The following WDFY3 variants were observed in gnomAD, a reference collection of about 807,000 sequenced individuals.
WDFY3 encodes WD repeat and FYVE domain containing 3, also known as WD repeat and FYVE domain-containing protein 3.
In WDFY3, 66 loss-of-function variants were observed where a neutral mutation model predicts 409.6. The ratio of observed to expected loss-of-function variants is 0.16; its 90% confidence interval spans 0.13 to 0.20. The LOEUF (loss-of-function observed/expected upper bound fraction) is 0.20. Ranked by LOEUF, WDFY3 falls within the 10% of genes least tolerant of loss-of-function variation. The probability of loss-of-function intolerance (pLI) is 1.00; values close to 1 mark genes in which losing one functional copy is unlikely to be tolerated. For missense variants in WDFY3, 3,031 were observed against 4,298.1 expected (o/e 0.71, Z 8.24); for synonymous variants, 1,521 against 1,537.1 (o/e 0.99, Z 0.25).
intron 33 of WDFY3, 146 bp from the exon 34 acceptor site, chr4:84,755,546 C>T (rs1000968104): frequency 1.2e-6 from 1 of 848,636 alleles, no homozygotes; most frequent in Non-Finnish European, 1.7e-6. Flanking sequence ...AGAACTAGTA[C>T]CCTTCCATCC....
intron 15 of WDFY3, among the ~76,000 whole-genome samples, chr4:84,807,722 T>G (rs1578613676): frequency 6.6e-6 from 1 of 152,134 alleles, no homozygotes; most frequent in Non-Finnish European, 1.5e-5. Flanking sequence ...AAAGGTAGTT[T>G]TAAAAAGATC....
intron 3 of WDFY3, among the ~76,000 whole-genome samples, chr4:84,866,007 G>T (rs1051632382): frequency 6.6e-6 from 1 of 152,048 alleles, no homozygotes; most frequent in Non-Finnish European, 1.5e-5. Context: ...GGACATAAAG[G>T]CTGCAGTGAG....
intron 58 of WDFY3, 82 bp from the exon 59 acceptor site, chr4:84,693,114 T>C (rs1296945057): frequency 7.1e-7 from 1 of 1,409,246 alleles, no homozygotes; most frequent in Non-Finnish European, 9.7e-7. Context: ...TGTGTTCTTA[T>C]TTCAATTAAG....
chr4:84,746,145 C>CAAAAAAAAAA (rs761664622), intron 36 of WDFY3, among the ~76,000 whole-genome samples: 1 of 60,632 alleles, frequency 1.6e-5, no homozygotes, highest in African/African-American at 6.5e-5. Context: ...CTGTCTCTAC[C>CAAAAAAAAAA]AAAAAAAAAA....
chr4:84,784,891 T>TATATATATATATATATACACACAC (rs1238884117), intron 24 of WDFY3, among the ~76,000 whole-genome samples: 1 of 36,916 alleles, frequency 2.7e-5, no homozygotes, highest in African/African-American at 7.7e-5. Flanking sequence ...TATATATATA[T>TATATATATATATATATACACACAC]ACACACACAC....
intron 61 of WDFY3, among the ~76,000 whole-genome samples, chr4:84,688,603 A>T (rs181547443): frequency 6.6e-6 from 1 of 152,340 alleles, no homozygotes; most frequent in East Asian, 1.9e-4. Flanking sequence ...TTTTATGTAG[A>T]GATGTATTGA....
rs192545073 is a variant in WDFY3, at chr4:84,754,027, T to C, written c.5560-151A>G. 1.6e-5 allele frequency: 13 copies of C among 791,388 alleles called. No individual in the cohort carries two copies. The Admixed American group carries it at 5.4e-4, about 33-fold the overall frequency. 49.0% of individuals were successfully genotyped at this position (791,388 alleles called of 1,614,324 possible). On this transcript the variant is annotated intron_variant, in intron 34 of 67. Transcript: ENST00000295888. The stretch of plus-strand genomic sequence containing the variant: ...CCACACATATGAGCAAACACACATG[T>C]ATACACACATGCAAAGAAATTTAGA...
At position 84,864,169 on chromosome 4, in the gene WDFY3, T is replaced by C. The variant is rs114750429; in HGVS notation, c.-31-3547A>G. Among the ~76,000 whole-genome samples the C allele has an allele frequency of 5.5e-3, 842 of 151,888 alleles. 11 individuals are homozygous for C. The highest frequency in any genetic ancestry group is 0.019 in the African/African-American group (806 of 41,446). ...ATCACCTGACGTCAGCAATTCAAGA[T>C]GAACCTGGCTAACATGGTGAAATCC... On this transcript the variant is annotated intron_variant, in intron 3 of 67. Transcript: ENST00000295888.
chr4:84,672,697 T>A lies in WDFY3; in HGVS notation c.*171A>T, dbSNP rs539437657. On this transcript the variant is annotated 3_prime_UTR_variant, in exon 68 of 68. Coordinates refer to ENST00000295888, the MANE Select transcript of WDFY3 (RefSeq NM_014991.6). ...GTTCACCTGAATCGCGTCTGCCCCA[T>A]TCCTGTACTCTACACCCGTTTTATT... 1 of 938,630 alleles carries A rather than the reference T, an allele frequency of 1.1e-6. No homozygotes were observed. The highest frequency in any genetic ancestry group is 1.6e-5 in the African/African-American group (1 of 60,734). 58.1% of individuals were successfully genotyped at this position (938,630 alleles called of 1,614,324 possible). A position where few individuals can be genotyped will look rare whatever the true frequency, so the allele number is the denominator to read the frequency against.
chr4:84,865,628 C>G (rs763166379), intron 3 of WDFY3, among the ~76,000 whole-genome samples: 4 of 152,238 alleles, frequency 2.6e-5, no homozygotes, highest in Non-Finnish European at 5.9e-5. Flanking sequence ...CCCCCAACCC[C>G]AGCCCTGCTA....
At chr4:84,786,573 T>C (rs1250081199) in intron 23 of WDFY3, among the ~76,000 whole-genome samples, 1 of 152,200 alleles carries the variant, frequency 6.6e-6, no homozygotes, top group Non-Finnish European at 1.5e-5. Context: ...AGAGGAGTTA[T>C]TAATAAAGGC....
rs1275904197 is a variant in WDFY3, at chr4:84,808,059, TAACA to T, written c.2429+271_2429+274del. 5.9e-5 allele frequency among the ~76,000 whole-genome samples: 9 copies of T among 152,260 alleles called. No individual in the cohort carries two copies. The East Asian group carries it at 1.7e-3, about 29-fold the overall frequency. On this transcript the variant is annotated intron_variant, in intron 15 of 67. Coordinates refer to ENST00000295888, the MANE Select transcript of WDFY3 (RefSeq NM_014991.6). ...TTTAATAAAAGACATGTTTTTTCTATAACAAAAATGTGTAGTTTAGTTATGAAAA... is the reference window on the plus strand; with the variant it reads ...TTTAATAAAAGACATGTTTTTTCTATAAAATGTGTAGTTTAGTTATGAAAA...
chr4:84,927,543 C>T (rs373092523), intron 2 of WDFY3, among the ~76,000 whole-genome samples: 2 of 152,116 alleles, frequency 1.3e-5, no homozygotes, highest in African/African-American at 4.8e-5. Context: ...GTGTCCCCAC[C>T]CAAATTTCAC....
intron 3 of WDFY3, among the ~76,000 whole-genome samples, chr4:84,894,947 C>CAAAAAAA (rs70943381): frequency 1.0e-5 from 1 of 98,848 alleles, no homozygotes; most frequent in Non-Finnish European, 2.0e-5. Flanking sequence ...GAGACTGTCT[C>CAAAAAAA]AAAAAAAAAA....
chr4:84,757,728 G>A (rs1270590465), intron 32 of WDFY3, among the ~76,000 whole-genome samples: 1 of 152,086 alleles, frequency 6.6e-6, no homozygotes, highest in Non-Finnish European at 1.5e-5. Flanking sequence ...ACAGACATGA[G>A]CTACCACCCC....
chr4:84,736,404 T>TGTAGTTTATAACCAG, intron 41 of WDFY3, 77 bp from the exon 42 acceptor site: 1 of 1,383,496 alleles, frequency 7.2e-7, no homozygotes, highest in Non-Finnish European at 9.6e-7. Flanking sequence ...CTTATCTGGT[T>TGTAGTTTATAACCAG]ATAAACTACA....
chr4:84,760,447 G>A (rs1317520524), intron 32 of WDFY3, among the ~76,000 whole-genome samples: 2 of 152,066 alleles, frequency 1.3e-5, no homozygotes, highest in Non-Finnish European at 2.9e-5. Context: ...ACTCTTTTTG[G>A]TTGGTAAGCT....
intron 24 of WDFY3, among the ~76,000 whole-genome samples, chr4:84,784,150 C>T (rs1747063604): frequency 6.6e-6 from 1 of 152,136 alleles, no homozygotes; most frequent in African/African-American, 2.4e-5. Context: ...TGCTACTTCT[C>T]AGTCTTTTCT....
At chr4:84,814,186 G>C (rs1752935048) in intron 13 of WDFY3, among the ~76,000 whole-genome samples, 1 of 152,134 alleles carries the variant, frequency 6.6e-6, no homozygotes, top group Non-Finnish European at 1.5e-5. Flanking sequence ...GTAGATATAA[G>C]AAAACTCTCT....
Sources: gnomAD v4.1 joint callset for allele counts (sites outside exome capture counted in the v4.1 genomes callset) on GRCh38, gnomAD v4.1.1 for gene constraint, MANE v1.5 for transcripts, NCBI Gene and HGNC (gene_info 2026-07-23, HGNC 2026-07-21) for gene names.